Variants in VAMP1 observed in about 807,000 individuals in gnomAD.
The protein encoded by VAMP1 is vesicle-associated membrane protein 1.
VAMP1 carries 16 observed loss-of-function variants against 19.1 expected under a neutral mutation model. That is an observed-to-expected ratio of 0.84 (90% CI 0.57 to 1.27). VAMP1 has a LOEUF of 1.27. Among genes scored for constraint, VAMP1 ranks in the 50% most tolerant of loss-of-function variants. VAMP1 has a pLI of 0.00. For synonymous variants in VAMP1, 37 were observed against 50.2 expected, an observed-to-expected ratio of 0.74 and a Z score of 1.11; for missense variants, 109 against 145.4, an observed-to-expected ratio of 0.75 and a Z score of 1.29.
At position 6,464,885 on chromosome 12, in the gene VAMP1, C is replaced by T. The variant is rs746971276; in HGVS notation, c.340+5G>A. 4 of 1,614,078 alleles carry T rather than the reference C, an allele frequency of 2.5e-6. No homozygotes were observed. Among genetic ancestry groups the T allele is most frequent in the Non-Finnish European group, 2.5e-6 (3 of 1,180,002 alleles). On this transcript the variant is annotated splice_donor_5th_base_variant and intron_variant, in intron 4 of 4. Transcript: ENST00000396308. ...CACCCCACCAGCAACTTCAGCGATACTTACTTACAATAACTACCACGATGA... is the reference window on the plus strand; with the variant it reads ...CACCCCACCAGCAACTTCAGCGATATTTACTTACAATAACTACCACGATGA...
At position 6,464,129 on chromosome 12, in the gene VAMP1, A is replaced by T; in HGVS notation, c.*341T>A. 7.3e-7 allele frequency: 1 copy of T among 1,361,034 alleles called. No individual in the cohort carries two copies. The highest frequency in any genetic ancestry group is 1.2e-5 in the South Asian group (1 of 81,622). The allele number at this position is 1,361,034 out of a possible 1,614,324, so 84.3% of individuals were successfully genotyped here. A position where few individuals can be genotyped will look rare whatever the true frequency, so the allele number is the denominator to read the frequency against. ...TACTCTTCTCCTCCCAAGTCTGGGC[A>T]GCTTCATGGGTACTTCGCCTCAGCC... On this transcript the variant is annotated 3_prime_UTR_variant, in exon 5 of 5. Transcript: ENST00000396308.
intron 1 of VAMP1, among the ~76,000 whole-genome samples, chr12:6,468,809 C>T (rs950561675): frequency 2.6e-5 from 4 of 152,148 alleles, no homozygotes; most frequent in African/African-American, 7.2e-5. Flanking sequence ...GAGATGTTCT[C>T]GGCCAAGGAA....
In VAMP1 at chr12:6,464,075, G is replaced by C; in HGVS notation, c.*395C>G. On this transcript the variant is annotated 3_prime_UTR_variant, in exon 5 of 5. Transcript: ENST00000396308. ...CCTCCCTAGCTCCTACCAGTGGCCA[G>C]GTTTTCTAGAAGTCACCATGGGCAC... 7.7e-7 allele frequency: 1 copy of C among 1,302,290 alleles called. No individual in the cohort carries two copies. Among genetic ancestry groups the C allele is most frequent in the South Asian group, 1.2e-5 (1 of 81,124 alleles). The allele number at this position is 1,302,290 out of a possible 1,614,324, so 80.7% of individuals were successfully genotyped here.
intron 2 of VAMP1, 56 bp from the exon 3 acceptor site, chr12:6,466,056 G>A: frequency 6.2e-7 from 1 of 1,612,504 alleles, no homozygotes; most frequent in South Asian, 1.1e-5. Flanking sequence ...CAGAGGAAAG[G>A]ACAACAACCA....
Position 6,470,633 on chromosome 12 carries a change from G to GC in VAMP1, c.-103dup. On this transcript the variant is annotated 5_prime_UTR_variant, in exon 1 of 5. Coordinates refer to ENST00000396308, the MANE Select transcript of VAMP1 (RefSeq NM_014231.5). ...GAAGTGGACGGAACTGCCAAGCTCC[G>GC]CCTCGCGCCGACTACCCCGCGGTCT... 4 of 1,512,314 alleles carry GC rather than the reference G, an allele frequency of 2.6e-6. No homozygotes were observed. Among genetic ancestry groups the GC allele is most frequent in the Non-Finnish European group, 3.6e-6 (4 of 1,098,172 alleles). The allele number at this position is 1,512,314 out of a possible 1,614,324, so 93.7% of individuals were successfully genotyped here.
Position 6,463,763 on chromosome 12 carries a change from TG to T in VAMP1, c.*706del, listed in dbSNP as rs1414185826. ...AAAGCTCCTTCCAGCTAGAAGCACA[TG>T]GGACTGCTTCTAGGATGGAAACAAG... On this transcript the variant is annotated 3_prime_UTR_variant, in exon 5 of 5. Coordinates refer to ENST00000396308, the MANE Select transcript of VAMP1 (RefSeq NM_014231.5). This position sits in a 1 kb window ranked among gnomAD's most constrained non-coding sequence, Gnocchi z 4.0. 1 of 1,173,926 alleles carries T rather than the reference TG, an allele frequency of 8.5e-7. No individual in the cohort carries two copies. Among genetic ancestry groups the T allele is most frequent in the African/African-American group, 1.6e-5 (1 of 62,052 alleles). 72.7% of individuals were successfully genotyped at this position (1,173,926 alleles called of 1,614,324 possible).
Position 6,462,741 on chromosome 12 carries a change from C to A in VAMP1, c.*1729G>T, listed in dbSNP as rs1949910726. 2 of 1,352,294 alleles carry A rather than the reference C, an allele frequency of 1.5e-6. No individual in the cohort carries two copies. Among genetic ancestry groups the A allele is most frequent in the East Asian group, 2.4e-5 (1 of 40,838 alleles). 83.8% of individuals were successfully genotyped at this position (1,352,294 alleles called of 1,614,324 possible). A position where few individuals can be genotyped will look rare whatever the true frequency, so the allele number is the denominator to read the frequency against. On this transcript the variant is annotated 3_prime_UTR_variant, in exon 5 of 5. Coordinates refer to ENST00000396308, the MANE Select transcript of VAMP1 (RefSeq NM_014231.5). ...AGTGGTGGTTCTTCTCCAGCGGTGA[C>A]CCCCTGCATTAGGCAAGGAGGAGCC...
At chr12:6,468,054 G>A (rs1398667499) in intron 1 of VAMP1, among the ~76,000 whole-genome samples, 1 of 152,218 alleles carries the variant, frequency 6.6e-6, no homozygotes, top group Admixed American at 6.5e-5. Flanking sequence ...GTACAGAAGG[G>A]ACATGTGGGG....
At chr12:6,465,406 A>ATATATATGTATATATATATATAAATG (rs1949990044) in intron 3 of VAMP1, 2 of 87,522 alleles carry the variant, frequency 2.3e-5, no homozygotes, top group East Asian at 6.6e-4. Context: ...ATATAAATGT[A>ATATATATGTATATATATATATAAATG]TATATATGTA....
chr12:6,463,729 A>G lies in VAMP1; in HGVS notation c.*741T>C, dbSNP rs1479704448. The G allele has an allele frequency of 2.6e-6, 3 of 1,154,870 alleles. No homozygotes were observed. Among genetic ancestry groups the G allele is most frequent in the African/African-American group, 3.2e-5 (2 of 61,564 alleles). The allele number at this position is 1,154,870 out of a possible 1,614,324, so 71.5% of individuals were successfully genotyped here. On this transcript the variant is annotated 3_prime_UTR_variant, in exon 5 of 5. Coordinates refer to ENST00000396308, the MANE Select transcript of VAMP1 (RefSeq NM_014231.5). The surrounding 1 kb of genome is among the most constrained non-coding windows in gnomAD (Gnocchi z 4.0). The stretch of plus-strand genomic sequence containing the variant: ...TCATACAGAATGCTGTAGAAAATGT[A>G]AAGAAGAGAAAGCTCCTTCCAGCTA...
At position 6,463,706 on chromosome 12, in the gene VAMP1, A is replaced by G; in HGVS notation, c.*764T>C. ...CTAGATGGATTTATTTGGTGCCCTC[A>G]TACAGAATGCTGTAGAAAATGTAAA... On this transcript the variant is annotated 3_prime_UTR_variant, in exon 5 of 5. Coordinates refer to ENST00000396308, the MANE Select transcript of VAMP1 (RefSeq NM_014231.5). This position sits in a 1 kb window ranked among gnomAD's most constrained non-coding sequence, Gnocchi z 4.0. The G allele has an allele frequency of 8.8e-7, 1 of 1,140,608 alleles. No individual in the cohort carries two copies. Among genetic ancestry groups the G allele is most frequent in the South Asian group, 1.9e-5 (1 of 52,854 alleles). The allele number at this position is 1,140,608 out of a possible 1,614,324, so 70.7% of individuals were successfully genotyped here.
chr12:6,467,974 A>G (rs956348485), intron 1 of VAMP1, among the ~76,000 whole-genome samples: 2 of 152,262 alleles, frequency 1.3e-5, no homozygotes, highest in South Asian at 2.1e-4. Flanking sequence ...AGATGTATGG[A>G]AACGCCTGGA....
intron 1 of VAMP1, among the ~76,000 whole-genome samples, chr12:6,469,417 A>T (rs546220860): frequency 6.6e-6 from 1 of 152,312 alleles, no homozygotes; most frequent in East Asian, 1.9e-4. Context: ...CCCCTCCCCA[A>T]AATGAAAACA....
intron 3 of VAMP1, among the ~76,000 whole-genome samples, chr12:6,465,569 C>G (rs1349897371): frequency 2.0e-5 from 3 of 151,276 alleles, no homozygotes; most frequent in Non-Finnish European, 4.4e-5. Flanking sequence ...TTGCAGGCAA[C>G]TCCTTTGGGG....
chr12:6,470,595 G>A lies in VAMP1; in HGVS notation c.-64C>T. ...AGGCTGCGGCGAGACACCCGGTGAG[G>A]GACGCTGCGGCTGAAGTGGACGGAA... On this transcript the variant is annotated 5_prime_UTR_variant, in exon 1 of 5. Coordinates refer to ENST00000396308, the MANE Select transcript of VAMP1 (RefSeq NM_014231.5). 1 of 1,606,114 alleles carries A rather than the reference G, an allele frequency of 6.2e-7. No homozygotes were observed. Among genetic ancestry groups the A allele is most frequent in the South Asian group, 1.1e-5 (1 of 90,630 alleles).
At position 6,464,192 on chromosome 12, in the gene VAMP1, T is replaced by C. The variant is rs1016046235; in HGVS notation, c.*278A>G. On this transcript the variant is annotated 3_prime_UTR_variant, in exon 5 of 5. Transcript: ENST00000396308. ...GCCCCTTCCCTTGGCCTCCAACTCT[T>C]TGGGGCTTTGGGGGAACTTGAGAGT... is the stretch of plus-strand genomic sequence containing the variant. The C allele has an allele frequency of 6.8e-7, 1 of 1,464,936 alleles. No individual in the cohort carries two copies. The highest frequency in any genetic ancestry group is 9.1e-7 in the Non-Finnish European group (1 of 1,101,108). The allele number at this position is 1,464,936 out of a possible 1,614,324, so 90.7% of individuals were successfully genotyped here.
chr12:6,465,088 A>G (rs1319272825), intron 3 of VAMP1, 147 bp from the exon 4 acceptor site: 2 of 1,172,678 alleles, frequency 1.7e-6, no homozygotes, highest in East Asian at 5.3e-5. Flanking sequence ...CCTCTTAGAG[A>G]GGCCCTACCC....
chr12:6,464,032 G>A lies in VAMP1; in HGVS notation c.*438C>T. 7.7e-7 allele frequency: 1 copy of A among 1,295,016 alleles called. No individual in the cohort carries two copies. The allele number at this position is 1,295,016 out of a possible 1,614,324, so 80.2% of individuals were successfully genotyped here. A position where few individuals can be genotyped will look rare whatever the true frequency, so the allele number is the denominator to read the frequency against. ...CACATGACCAGGCAGTACTGAGTGA[G>A]CTGCCATCTTCCCAGCCCCTCCCTA... On this transcript the variant is annotated 3_prime_UTR_variant, in exon 5 of 5. Coordinates refer to ENST00000396308, the MANE Select transcript of VAMP1 (RefSeq NM_014231.5).
At position 6,463,653 on chromosome 12, in the gene VAMP1, AAATT is replaced by A; in HGVS notation, c.*813_*816del. 9.2e-7 allele frequency: 1 copy of A among 1,087,358 alleles called. No individual in the cohort carries two copies. The highest frequency in any genetic ancestry group is 2.4e-5 in the South Asian group (1 of 42,062). The allele number at this position is 1,087,358 out of a possible 1,614,324, so 67.4% of individuals were successfully genotyped here. On this transcript the variant is annotated 3_prime_UTR_variant, in exon 5 of 5. Transcript: ENST00000396308. This position sits in a 1 kb window ranked among gnomAD's most constrained non-coding sequence, Gnocchi z 4.0. ...CCAACAATTAACTGGGAGCTAGGTT[AAATT>A]ATTTGGCTAGATAAAACTACCAGCT...
Sources: allele counts gnomAD v4.1 joint callset (sites outside exome capture counted in the v4.1 genomes callset), GRCh38; gene constraint gnomAD v4.1.1; non-coding constraint Gnocchi (gnomAD v3.1); transcripts MANE v1.5; gene names NCBI Gene and HGNC (gene_info 2026-07-23, HGNC 2026-07-21).